Variants in RNF139 observed in about 807,000 individuals in gnomAD.
RNF139 encodes the protein ring finger protein 139.
Under a neutral mutation model 49.5 loss-of-function variants are expected in RNF139, and 15 were observed. That is an observed-to-expected ratio of 0.30 (90% CI 0.20 to 0.47). RNF139 has a LOEUF of 0.47. Among genes scored for constraint, RNF139 ranks in the 20% least tolerant of loss-of-function variants. The probability of loss-of-function intolerance (pLI) is 1.00; values close to 1 mark genes in which losing one functional copy is unlikely to be tolerated. For synonymous variants in RNF139, 325 were observed against 300.9 expected (o/e 1.08, Z -0.83); for missense variants, 619 against 806.3 (o/e 0.77, Z 2.81).
Position 124,478,451 on chromosome 8 carries a change from C to A in RNF139, c.181+3161C>A, listed in dbSNP as rs561294359. 1.2e-4 allele frequency among the ~76,000 whole-genome samples: 18 copies of A among 151,670 alleles called. No individual in the cohort carries two copies. The South Asian group carries it at 3.7e-3, about 32-fold the overall frequency. On this transcript the variant is annotated intron_variant, in intron 1 of 1. Transcript: ENST00000303545. ...GGCCAAATGGCACAACCCGTGTCTA[C>A]CAAAAAATTAGCCGGGTGCAGTGAC...
chr8:124,479,110 T>G (rs1816362638), intron 1 of RNF139, among the ~76,000 whole-genome samples: 1 of 151,392 alleles, frequency 6.6e-6, no homozygotes, highest in Non-Finnish European at 1.5e-5. Flanking sequence ...GTTTTGTTTT[T>G]GAGACAGTCT....
chr8:124,475,464 C>A (rs1232794111), intron 1 of RNF139, among the ~76,000 whole-genome samples, 174 bp downstream of exon 1: 1 of 152,192 alleles, frequency 6.6e-6, no homozygotes, highest in Non-Finnish European at 1.5e-5. Context: ...TGATACTTGT[C>A]TGAGTTGACA....
In RNF139 at chr8:124,487,627, A is replaced by C; in HGVS notation, c.1978A>C (p.Asn660His). The change falls in exon 2 of 2, where the codon AAT becomes CAT. Residue 660 changes from asparagine (N) to histidine (H), a missense_variant. Transcript: ENST00000303545. ...QHTGAAAEEFNDDTD is the reference protein window; with the variant it reads ...QHTGAAAEEFHDDTD The stretch of plus-strand genomic sequence containing the variant: ...CACAGGCGCAGCAGCTGAAGAATTT[A>C]ATGATGATACTGACTGATGAAAATA... 1 of 1,605,326 alleles carries C rather than the reference A, an allele frequency of 6.2e-7. No individual in the cohort carries two copies. The highest frequency in any genetic ancestry group is 8.5e-7 in the Non-Finnish European group (1 of 1,175,050).
chr8:124,483,364 C>G (rs1277687277), intron 1 of RNF139: 3 of 151,102 alleles, frequency 2.0e-5, no homozygotes, highest in Admixed American at 6.6e-5. Flanking sequence ...TGAAATGCGT[C>G]TACTGTAATA....
chr8:124,481,083 G>A (rs530804555), intron 1 of RNF139, among the ~76,000 whole-genome samples: 1 of 152,022 alleles, frequency 6.6e-6, no homozygotes, highest in South Asian at 2.1e-4. Flanking sequence ...GTTTAATTTT[G>A]TGTTAATACT....
intron 1 of RNF139, 139 bp from the exon 2 acceptor site, chr8:124,485,692 G>A: frequency 1.4e-6 from 1 of 693,126 alleles, no homozygotes; most frequent in Non-Finnish European, 2.3e-6. Flanking sequence ...TACCCTTTAA[G>A]CCTTAGTTGT....
In RNF139 at chr8:124,487,690, G is replaced by C. The variant is rs763350276; in HGVS notation, c.*46G>C. On this transcript the variant is annotated 3_prime_UTR_variant, in exon 2 of 2. Transcript: ENST00000303545. ...GATTGAGGTATTTGTTTAAAATTCA[G>C]TTCATCCAAAATGGAGTAATATCCT... 9 of 1,534,052 alleles carry C rather than the reference G, an allele frequency of 5.9e-6. No individual in the cohort carries two copies. In the South Asian group the frequency reaches 8.9e-5, roughly 15 times the overall value.
intron 1 of RNF139, among the ~76,000 whole-genome samples, chr8:124,482,922 A>G (rs940746246): frequency 1.4e-4 from 17 of 120,386 alleles, no homozygotes; most frequent in African/African-American, 5.3e-4. Flanking sequence ...GCGAAACTCC[A>G]TTAAAAAAAA....
In RNF139 at chr8:124,488,577, TG is replaced by T. The variant is rs1253646558; in HGVS notation, c.*935del. The T allele has an allele frequency of 1.6e-6, 2 of 1,265,186 alleles. No homozygotes were observed. Among genetic ancestry groups the T allele is most frequent in the African/African-American group, 3.0e-5 (2 of 66,810 alleles). 78.4% of individuals were successfully genotyped at this position (1,265,186 alleles called of 1,614,324 possible). A position where few individuals can be genotyped will look rare whatever the true frequency, so the allele number is the denominator to read the frequency against. On this transcript the variant is annotated 3_prime_UTR_variant, in exon 2 of 2. Coordinates refer to ENST00000303545, the MANE Select transcript of RNF139 (RefSeq NM_007218.4). ...GAAATTTTACATACATGATGGAAAG[TG>T]GAAGACATATACCAATTATATTCCA...
Position 124,487,213 on chromosome 8 carries a change from C to T in RNF139, c.1564C>T (p.Arg522Cys), listed in dbSNP as rs759350192. The change falls in exon 2 of 2, where the codon CGT becomes TGT. Residue 522 changes from arginine to cysteine, a missense_variant. Around this residue, in one of 2 missense-constraint regions of RNF139, gnomAD observed 530 missense variants for 728.9 expected, o/e 0.73. Transcript: ENST00000303545. ...AAATGGCTGGAAGACATTTATGAATCGTAGGACTGCTGTGAAGAAAATTAA... is the reference window on the plus strand; with the variant it reads ...AAATGGCTGGAAGACATTTATGAATTGTAGGACTGCTGTGAAGAAAATTAA... ...AKNGWKTFMN[R>C]RTAVKKINSL... 6.2e-7 allele frequency: 1 copy of T among 1,613,780 alleles called. No homozygotes were observed. The highest frequency in any genetic ancestry group is 1.7e-5 in the Admixed American group (1 of 59,984).
At position 124,486,842 on chromosome 8, in the gene RNF139, G is replaced by C; in HGVS notation, c.1193G>C (p.Cys398Ser). 1 of 1,613,624 alleles carries C rather than the reference G, an allele frequency of 6.2e-7. No homozygotes were observed. The highest frequency in any genetic ancestry group is 2.2e-5 in the East Asian group (1 of 44,866). The change falls in exon 2 of 2, where the codon TGC (cysteine) becomes TCC (serine). Residue 398 changes from cysteine (C) to serine (S), a missense_variant. Cys to Ser is a moderately radical substitution (Grantham distance 112, BLOSUM62 -1). Around this residue, in one of 2 missense-constraint regions of RNF139, gnomAD observed 530 missense variants for 728.9 expected, o/e 0.73. Coordinates refer to ENST00000303545, the MANE Select transcript of RNF139 (RefSeq NM_007218.4). ...TTTCCTGTGCTGTTTGTCTCTGCTT[G>C]CCTGTTTATTCTTCCTGTCTTACTC... ...RHFPVLFVSACLFILPVLLSY... is the reference protein window; with the variant it reads ...RHFPVLFVSASLFILPVLLSY...
chr8:124,484,736 TG>T (rs1204436360), intron 1 of RNF139, among the ~76,000 whole-genome samples: 1 of 152,182 alleles, frequency 6.6e-6, no homozygotes, highest in Non-Finnish European at 1.5e-5. Context: ...CAAAGAAAGA[TG>T]GTGTCTATGG....
rs201310310 is a variant in RNF139 at position 124,487,280 on chromosome 8, A to G, written c.1631A>G (p.Asn544Ser). 15 of 1,614,060 alleles carry G rather than the reference A, an allele frequency of 9.3e-6. No homozygotes were observed. The Admixed American group carries it at 2.2e-4, about 23-fold the overall frequency. ...AAAGGGAGCCGCTTACAAGAAATAA[A>G]TGATGTATGTGCAATCTGCTATCAT... ...EIKGSRLQEI[N>S]DVCAICYHEF... The change falls in exon 2 of 2, where the codon AAT (asparagine) becomes AGT (serine). Residue 544 changes from asparagine to serine, a missense_variant. By Grantham distance (46) the Asn-to-Ser change is conservative. Around this residue, in one of 2 missense-constraint regions of RNF139, gnomAD observed 530 missense variants for 728.9 expected, o/e 0.73. Coordinates refer to ENST00000303545, the MANE Select transcript of RNF139 (RefSeq NM_007218.4).
chr8:124,478,507 C>G (rs939255677), intron 1 of RNF139, among the ~76,000 whole-genome samples: 1 of 150,564 alleles, frequency 6.6e-6, no homozygotes, highest in Non-Finnish European at 1.5e-5. Context: ...ACTGTGGAGG[C>G]TGAGGCACGA....
In RNF139 at chr8:124,475,081, C is replaced by G; in HGVS notation, c.-29C>G. On this transcript the variant is annotated 5_prime_UTR_variant, in exon 1 of 2. Transcript: ENST00000303545. ...CCCTGCCCCGCGCGGCCCTGCCCGG[C>G]CCACCGAGCCCTGGTGTGGCAGCGG... The G allele has an allele frequency of 6.8e-7, 1 of 1,475,050 alleles. No individual in the cohort carries two copies. The highest frequency in any genetic ancestry group is 9.0e-7 in the Non-Finnish European group (1 of 1,117,138). 91.4% of individuals were successfully genotyped at this position (1,475,050 alleles called of 1,614,324 possible). A position where few individuals can be genotyped will look rare whatever the true frequency, so the allele number is the denominator to read the frequency against.
At chr8:124,482,201 T>C (rs1158835465) in intron 1 of RNF139, among the ~76,000 whole-genome samples, 2 of 152,126 alleles carry the variant, frequency 1.3e-5, no homozygotes, top group Admixed American at 6.5e-5. Flanking sequence ...CTTTGATACA[T>C]TTGCATAAAG....
chr8:124,479,338 A>G (rs960432098), intron 1 of RNF139, among the ~76,000 whole-genome samples: 9 of 152,238 alleles, frequency 5.9e-5, no homozygotes, highest in African/African-American at 2.2e-4. Flanking sequence ...ACAAAGCAAC[A>G]AACTTAATCT....
chr8:124,475,402 A>G, intron 1 of RNF139, 112 bp downstream of exon 1: 2 of 1,089,748 alleles, frequency 1.8e-6, no homozygotes, highest in Non-Finnish European at 2.6e-6. Flanking sequence ...TTTGGGAACT[A>G]CAGTTTCATC....
At chr8:124,478,359 A>G (rs148468920) in intron 1 of RNF139, among the ~76,000 whole-genome samples, 218 of 152,106 alleles carry the variant, frequency 1.4e-3, no homozygotes, top group African/African-American at 5.0e-3. Flanking sequence ...GCTCACGCCT[A>G]TAATCCCAGC....
Sources: allele counts gnomAD v4.1 joint callset (sites outside exome capture counted in the v4.1 genomes callset), GRCh38; gene constraint gnomAD v4.1.1; regional missense constraint gnomAD v4.1.1; transcripts MANE v1.5; gene names NCBI Gene and HGNC (gene_info 2026-07-23, HGNC 2026-07-21).